The following HHAT variants were observed in gnomAD, a reference collection of about 807,000 sequenced individuals.
HHAT encodes hedgehog acyltransferase.
A neutral mutation model predicts 70.8 loss-of-function variants in HHAT; 47 were observed. The observed-to-expected ratio is 0.66, with a 90% CI of 0.53 to 0.85. HHAT has a LOEUF of 0.85. HHAT is among the 40% of genes least tolerant of loss of function. The pLI, the probability that HHAT is intolerant of heterozygous loss-of-function variation, is 0.00. For synonymous variants in HHAT, 228 were observed against 247.6 expected, an observed-to-expected ratio of 0.92 and a Z score of 0.74; for missense variants, 609 against 604.8, an observed-to-expected ratio of 1.01 and a Z score of -0.07.
chr1:210,547,734 G>A (rs771334744), intron 9 of HHAT, among the ~76,000 whole-genome samples: 3 of 152,246 alleles, frequency 2.0e-5, no homozygotes, highest in Admixed American at 6.5e-5. Flanking sequence ...TCAGACTTCC[G>A]AGTTTCCCTC....
intron 9 of HHAT, among the ~76,000 whole-genome samples, chr1:210,565,222 A>G (rs186833606): frequency 1.3e-5 from 2 of 152,192 alleles, no homozygotes; most frequent in African/African-American, 2.4e-5. Flanking sequence ...GATGATGTAT[A>G]TGGTTCGGGA....
At chr1:210,360,433 C>T (rs1229757330) in intron 2 of HHAT, among the ~76,000 whole-genome samples, 4 of 151,976 alleles carry the variant, frequency 2.6e-5, no homozygotes, top group African/African-American at 9.7e-5. Context: ...GCCTCAGCCT[C>T]CCGAGTAGCT....
intron 11 of HHAT, among the ~76,000 whole-genome samples, chr1:210,637,354 A>G (rs754731793): frequency 1.6e-4 from 24 of 152,230 alleles, no homozygotes; most frequent in Middle Eastern, 3.2e-3. Context: ...GGATTAAATA[A>G]TAATTTCTCA....
intron 11 of HHAT, among the ~76,000 whole-genome samples, chr1:210,641,667 T>C (rs1337579928): frequency 3.3e-5 from 5 of 152,228 alleles, no homozygotes; most frequent in Non-Finnish European, 5.9e-5. Flanking sequence ...TGCAATTTTG[T>C]CCTCAGGAAA....
chr1:210,515,112 TTC>T (rs1336352187), intron 9 of HHAT, among the ~76,000 whole-genome samples: 3 of 152,192 alleles, frequency 2.0e-5, no homozygotes. Flanking sequence ...AGGGTAAGGC[TTC>T]TCTCTACCTT....
intron 11 of HHAT, among the ~76,000 whole-genome samples, chr1:210,630,134 C>G (rs1479417589): frequency 6.6e-6 from 1 of 152,244 alleles, no homozygotes; most frequent in African/African-American, 2.4e-5. Context: ...AGCCACCGCA[C>G]CTGGCCTCCT....
chr1:210,508,542 C>T (rs116808710), intron 8 of HHAT, among the ~76,000 whole-genome samples: 3,070 of 152,136 alleles, frequency 0.02, 45 homozygotes, highest in Non-Finnish European at 0.031. Flanking sequence ...AAGGCATATA[C>T]ATTCTTTAAG....
intron 6 of HHAT, among the ~76,000 whole-genome samples, chr1:210,415,013 T>C (rs1167166149): frequency 6.6e-6 from 1 of 152,068 alleles, no homozygotes; most frequent in Non-Finnish European, 1.5e-5. Context: ...AGTGAAACTC[T>C]GTCTTAAAAA....
intron 8 of HHAT, among the ~76,000 whole-genome samples, chr1:210,477,183 G>A (rs2501899): frequency 0.17 from 25,461 of 152,056 alleles, 2,353 homozygotes; most frequent in East Asian, 0.43. Context: ...GCTCTTTGGA[G>A]GAGGTAAGGA....
intron 11 of HHAT, among the ~76,000 whole-genome samples, chr1:210,629,845 G>GT (rs1397443231): frequency 4.9e-5 from 7 of 143,234 alleles, no homozygotes; most frequent in African/African-American, 1.5e-4. Flanking sequence ...TTTGTTTTTT[G>GT]TTTTTTGTTT....
chr1:210,481,311 C>T (rs959270520), intron 8 of HHAT, among the ~76,000 whole-genome samples: 1 of 152,184 alleles, frequency 6.6e-6, no homozygotes, highest in Non-Finnish European at 1.5e-5. Context: ...TTGAATGTTT[C>T]TGCTTAAAGA....
At chr1:210,638,744 A>G (rs1672415289) in intron 11 of HHAT, among the ~76,000 whole-genome samples, 1 of 148,328 alleles carries the variant, frequency 6.7e-6, no homozygotes, top group African/African-American at 2.5e-5. Context: ...AAAAAAAAAA[A>G]AATTCTTTTA....
intron 9 of HHAT, among the ~76,000 whole-genome samples, chr1:210,530,180 G>A (rs1465018539): frequency 6.6e-6 from 1 of 152,132 alleles, no homozygotes; most frequent in Non-Finnish European, 1.5e-5. Flanking sequence ...GAAAAATAGA[G>A]TTGAGTAAAT....
intron 8 of HHAT, among the ~76,000 whole-genome samples, chr1:210,465,387 A>C (rs769607710): frequency 6.6e-6 from 1 of 152,164 alleles, no homozygotes; most frequent in Non-Finnish European, 1.5e-5. Context: ...TGTTCCTCTT[A>C]TCGCTTCCAG....
At chr1:210,592,962 G>A (rs908817655) in intron 10 of HHAT, among the ~76,000 whole-genome samples, 4 of 150,634 alleles carry the variant, frequency 2.7e-5, no homozygotes, top group Non-Finnish European at 5.9e-5. Context: ...CATGTGCCAT[G>A]TTGGTGTGCT....
intron 9 of HHAT, among the ~76,000 whole-genome samples, chr1:210,518,250 A>G (rs542058030): frequency 5.3e-5 from 8 of 151,022 alleles, no homozygotes; most frequent in Admixed American, 4.6e-4. Flanking sequence ...TCCCCTCTCT[A>G]CCCCCTCTAT....
chr1:210,512,420 A>G (rs918505855), intron 8 of HHAT, among the ~76,000 whole-genome samples: 1 of 152,068 alleles, frequency 6.6e-6, no homozygotes, highest in African/African-American at 2.4e-5. Context: ...CACACCTGTA[A>G]TCCCAGCACT....
intron 9 of HHAT, among the ~76,000 whole-genome samples, chr1:210,578,228 T>TA (rs1658361907): frequency 6.6e-6 from 1 of 152,180 alleles, no homozygotes; most frequent in Non-Finnish European, 1.5e-5. Flanking sequence ...TTTCAAGATA[T>TA]ATGTGAAAAG....
intron 9 of HHAT, among the ~76,000 whole-genome samples, chr1:210,538,391 A>AT (rs1298843818): frequency 3.9e-5 from 6 of 152,222 alleles, no homozygotes; most frequent in Non-Finnish European, 8.8e-5. Flanking sequence ...TATTATAAAT[A>AT]TAAAAAACAG....
Sources: allele counts gnomAD v4.1 joint callset (sites outside exome capture counted in the v4.1 genomes callset), GRCh38; gene constraint gnomAD v4.1.1; transcripts MANE v1.5; gene names NCBI Gene and HGNC (gene_info 2026-07-23, HGNC 2026-07-21).